The following EYS variants were observed in gnomAD, a reference collection of about 807,000 sequenced individuals.
The protein encoded by EYS is EGF-like photoreceptor maintenance factor.
Under a neutral mutation model 282.1 loss-of-function variants are expected in EYS, and 250 were observed. That is an observed-to-expected ratio of 0.89 (90% CI 0.80 to 0.98). The LOEUF (loss-of-function observed/expected upper bound fraction) is 0.98, where lower values mean the gene tolerates loss of function less well. Among genes scored for constraint, EYS ranks in the 50% least tolerant of loss-of-function variants. EYS has a pLI of 0.00. For missense variants in EYS, 4,016 were observed against 3,709.0 expected (o/e 1.08, Z -2.15); for synonymous variants, 1,355 against 1,282.9 (o/e 1.06, Z -1.20).
chr6:64,242,256 C>G (rs998040983), intron 30 of EYS, among the ~76,000 whole-genome samples: 2 of 152,042 alleles, frequency 1.3e-5, no homozygotes, highest in South Asian at 4.1e-4. Flanking sequence ...CTAATATTGA[C>G]AGTGGGGTGT....
intron 30 of EYS, among the ~76,000 whole-genome samples, chr6:64,300,234 T>A (rs6454781): frequency 6.6e-6 from 1 of 151,924 alleles, no homozygotes; most frequent in Non-Finnish European, 1.5e-5. Context: ...AGAAAAAGCT[T>A]GGTAGTGGGG....
chr6:63,951,717 C>A (rs1765603230), intron 35 of EYS, among the ~76,000 whole-genome samples: 1 of 152,168 alleles, frequency 6.6e-6, no homozygotes, highest in Admixed American at 6.5e-5. Flanking sequence ...ACCTGCCCAA[C>A]AATTTCATCT....
intron 14 of EYS, among the ~76,000 whole-genome samples, chr6:64,956,540 A>G (rs1031265532): frequency 6.6e-6 from 1 of 152,198 alleles, no homozygotes; most frequent in Non-Finnish European, 1.5e-5. Context: ...TTTCTTGAGC[A>G]ATAACCACAA....
In EYS at chr6:65,598,978, T is replaced by A. The variant is rs376194335; in HGVS notation, c.-333+40800A>T. On this transcript the variant is annotated intron_variant, in intron 2 of 42. Coordinates refer to ENST00000503581, the MANE Select transcript of EYS (RefSeq NM_001142800.2). ...TGTGTGGTGTATATATCTATATCTA[T>A]ATTTATATATCTATATCTATACAAT... Among the ~76,000 whole-genome samples the A allele has an allele frequency of 1.2e-4, 19 of 152,200 alleles. No homozygotes were observed. In the East Asian group the frequency reaches 3.1e-3, roughly 25 times the overall value.
intron 26 of EYS, among the ~76,000 whole-genome samples, chr6:64,584,034 A>G (rs553743928): frequency 2.4e-4 from 36 of 152,248 alleles, no homozygotes; most frequent in Non-Finnish European, 4.3e-4. Context: ...ATAATTTTCT[A>G]TATGAATATA....
chr6:64,305,855 C>T (rs1036758779), intron 30 of EYS, among the ~76,000 whole-genome samples: 5 of 152,040 alleles, frequency 3.3e-5, no homozygotes, highest in African/African-American at 9.7e-5. Flanking sequence ...ACCAAATGCA[C>T]AGGCAATGAA....
intron 2 of EYS, among the ~76,000 whole-genome samples, chr6:65,608,319 T>C (rs991425193): frequency 1.3e-5 from 2 of 151,924 alleles, no homozygotes. Flanking sequence ...ATGGTAAAAA[T>C]ACAGTTTAAA....
At chr6:65,197,377 G>A (rs1457805492) in intron 12 of EYS, among the ~76,000 whole-genome samples, 3 of 152,018 alleles carry the variant, frequency 2.0e-5, no homozygotes, top group Non-Finnish European at 4.4e-5. Flanking sequence ...TAACTAAAAA[G>A]AGACAGCCAT....
chr6:65,232,801 G>A (rs1016048607), intron 12 of EYS, among the ~76,000 whole-genome samples: 2 of 152,110 alleles, frequency 1.3e-5, no homozygotes, highest in African/African-American at 4.8e-5. Flanking sequence ...TGGGTGGGGA[G>A]TGATAATTTG....
At chr6:64,964,390 A>G (rs1770027587) in intron 14 of EYS, among the ~76,000 whole-genome samples, 1 of 152,192 alleles carries the variant, frequency 6.6e-6, no homozygotes, top group South Asian at 2.1e-4. Context: ...AACTTTTATA[A>G]ATGATTTTAT....
At chr6:64,286,140 C>T (rs1040094044) in intron 30 of EYS, among the ~76,000 whole-genome samples, 4 of 152,042 alleles carry the variant, frequency 2.6e-5, no homozygotes, top group Non-Finnish European at 5.9e-5. Context: ...AGCTCATATA[C>T]CCAGGAAACC....
chr6:65,617,700 C>T (rs1362868400), intron 2 of EYS, among the ~76,000 whole-genome samples: 2 of 123,724 alleles, frequency 1.6e-5, no homozygotes, highest in Admixed American at 1.7e-4. Flanking sequence ...TATCCCTCCC[C>T]CCTCCCCCCA....
chr6:65,483,826 G>A (rs1286906159), intron 5 of EYS, among the ~76,000 whole-genome samples: 1 of 152,126 alleles, frequency 6.6e-6, no homozygotes, highest in African/African-American at 2.4e-5. Flanking sequence ...GCAAGGAGGA[G>A]CAAGTCACAT....
At chr6:65,396,623 C>G (rs900242900) in intron 7 of EYS, among the ~76,000 whole-genome samples, 1 of 152,098 alleles carries the variant, frequency 6.6e-6, no homozygotes, top group African/African-American at 2.4e-5. Context: ...GTAAATTACA[C>G]TTGGTTTGAG....
At chr6:64,339,722 A>T (rs1249427957) in intron 29 of EYS, among the ~76,000 whole-genome samples, 1 of 151,904 alleles carries the variant, frequency 6.6e-6, no homozygotes, top group Admixed American at 6.6e-5. Flanking sequence ...CTACTCAGCC[A>T]TAAAAAGGAA....
chr6:64,424,633 C>T (rs1210999848), intron 28 of EYS, among the ~76,000 whole-genome samples: 1 of 152,140 alleles, frequency 6.6e-6, no homozygotes, highest in Non-Finnish European at 1.5e-5. Context: ...TCTCTCCTCT[C>T]CAACACCTGC....
At chr6:63,816,412 G>A (rs74774423) in intron 36 of EYS, among the ~76,000 whole-genome samples, 196 of 152,254 alleles carry the variant, frequency 1.3e-3, no homozygotes, top group African/African-American at 1.8e-3. Flanking sequence ...TACCAATTAG[G>A]TTTCTTGGTT....
At chr6:63,993,898 A>G (rs907034959) in intron 34 of EYS, among the ~76,000 whole-genome samples, 3 of 151,938 alleles carry the variant, frequency 2.0e-5, no homozygotes, top group African/African-American at 7.2e-5. Flanking sequence ...TTCACAGTAT[A>G]TTACAGAGCT....
At chr6:65,331,811 G>A (rs891318165) in intron 11 of EYS, 4 of 709,862 alleles carry the variant, frequency 5.6e-6, no homozygotes, top group Admixed American at 6.3e-5. Flanking sequence ...ATGTTTATTC[G>A]TATTGAAGCA....
Sources: allele counts gnomAD v4.1 joint callset (sites outside exome capture counted in the v4.1 genomes callset), GRCh38; gene constraint gnomAD v4.1.1; transcripts MANE v1.5; gene names NCBI Gene and HGNC (gene_info 2026-07-23, HGNC 2026-07-21).